NAV2: variants seen among roughly 807,000 people sequenced by gnomAD.
The protein encoded by NAV2 is neuron navigator 2, also known as helicase, APC down-regulated 1.
Under a neutral mutation model 223.2 loss-of-function variants are expected in NAV2, and 54 were observed. The ratio of observed to expected loss-of-function variants is 0.24; its 90% CI spans 0.19 to 0.30. NAV2 has a LOEUF of 0.30. NAV2 is among the 10% of genes least tolerant of loss of function. The probability of loss-of-function intolerance (pLI) is 1.00; values close to 1 mark genes in which losing one functional copy is unlikely to be tolerated. For synonymous variants in NAV2, 1,279 were observed against 1,239.3 expected, an observed-to-expected ratio of 1.03 and a Z score of -0.67; for missense variants, 2,806 against 3,147.5, an observed-to-expected ratio of 0.89 and a Z score of 2.60.
At chr11:20,081,837 A>G (rs1025250145) in intron 25 of NAV2, among the ~76,000 whole-genome samples, 1 of 152,258 alleles carries the variant, frequency 6.6e-6, no homozygotes, top group Non-Finnish European at 1.5e-5. Flanking sequence ...AATTACTTTT[A>G]AAAGGCCTGT....
chr11:19,826,525 A>C (rs1422896760), intron 1 of NAV2, among the ~76,000 whole-genome samples: 4 of 152,222 alleles, frequency 2.6e-5, no homozygotes, highest in Non-Finnish European at 5.9e-5. Context: ...TTTTCCTTGC[A>C]TGAGCTAATG....
In NAV2 at chr11:20,035,886, T is replaced by C. The variant is rs2056313642; in HGVS notation, c.2769-73T>C. 27 of 1,577,892 alleles carry C rather than the reference T, an allele frequency of 1.7e-5. No individual in the cohort carries two copies. In the South Asian group the frequency reaches 2.7e-4, roughly 16 times the overall value. Reference sequence around the variant, plus strand: ...TGGATCTTTTCGGGGATGGTGTTTGTCTGTCTGTGTCATCAGCCTGAGCTG... The same window carrying C: ...TGGATCTTTTCGGGGATGGTGTTTGCCTGTCTGTGTCATCAGCCTGAGCTG... On this transcript the variant is annotated intron_variant, in intron 11 of 37. Transcript: ENST00000349880.
chr11:19,779,949 A>T (rs1189099158), intron 1 of NAV2, among the ~76,000 whole-genome samples: 1 of 152,228 alleles, frequency 6.6e-6, no homozygotes, highest in Non-Finnish European at 1.5e-5. Context: ...CTGGGGCCAG[A>T]GGTGTGTGCC....
chr11:19,886,125 A>G (rs1436065341), intron 5 of NAV2, among the ~76,000 whole-genome samples: 1 of 149,940 alleles, frequency 6.7e-6, no homozygotes, highest in African/African-American at 2.5e-5. Context: ...CTACAGGCAC[A>G]TGCCTCCATA....
At chr11:19,763,787 T>C (rs2054972511) in intron 1 of NAV2, among the ~76,000 whole-genome samples, 1 of 103,600 alleles carries the variant, frequency 9.7e-6, no homozygotes, top group Non-Finnish European at 2.1e-5. Flanking sequence ...TTTTTTGTTT[T>C]TTTGTTTTTT....
In NAV2 at chr11:20,103,291, T is replaced by C; in HGVS notation, c.6454T>C (p.Cys2152Arg). The C allele has an allele frequency of 6.2e-7, 1 of 1,614,180 alleles. No individual in the cohort carries two copies. The highest frequency in any genetic ancestry group is 8.5e-7 in the Non-Finnish European group (1 of 1,180,012). Residue 2152 changes from cysteine (C) to arginine (R), a missense_variant, in exon 33 of 38, where the codon TGC (cysteine) becomes CGC (arginine). By Grantham distance (180) the Cys-to-Arg change is radical. Coordinates refer to ENST00000349880, the MANE Select transcript of NAV2 (RefSeq NM_145117.5). ...RQYLSNLADQCNSENNAVDMP... is the reference protein window; with the variant it reads ...RQYLSNLADQRNSENNAVDMP... ...GTACCTGTCCAACCTTGCTGACCAG[T>C]GCAACAGTGAGAACAATGCTGTGGA...
Position 19,464,659 on chromosome 11 carries a change from T to A in NAV2, c.75+113632T>A, listed in dbSNP as rs184683247. Among the ~76,000 whole-genome samples, 12 of 152,338 alleles carry A rather than the reference T, an allele frequency of 7.9e-5. No individual in the cohort carries two copies. In the East Asian group the frequency reaches 2.1e-3, roughly 27 times the overall value. ...GAGATGTGGTTCATAGGGATTTCAA[T>A]CAGCAAATTTGTCAGGCTCTGTCTG... On this transcript the variant is annotated intron_variant, in intron 1 of 37. Coordinates refer to the NAV2 transcript ENST00000360655.
At chr11:19,442,604 A>G (rs1851444832) in intron 1 of NAV2, among the ~76,000 whole-genome samples, 1 of 152,122 alleles carries the variant, frequency 6.6e-6, no homozygotes, top group Non-Finnish European at 1.5e-5. Flanking sequence ...GCTGGCCAGG[A>G]TCAGAGGGCA....
intron 1 of NAV2, among the ~76,000 whole-genome samples, chr11:19,768,974 G>A (rs1399986150): frequency 6.6e-6 from 1 of 152,176 alleles, no homozygotes; most frequent in African/African-American, 2.4e-5. Context: ...TAGGTCTAAG[G>A]CCTAGTGTGA....
At chr11:19,526,883 T>A (rs2043857727) in intron 1 of NAV2, among the ~76,000 whole-genome samples, 1 of 152,014 alleles carries the variant, frequency 6.6e-6, no homozygotes, top group African/African-American at 2.4e-5. Context: ...ACCTTGGGAG[T>A]AAGGTAGTGG....
chr11:19,550,612 C>A (rs1470943704), intron 1 of NAV2, among the ~76,000 whole-genome samples: 2 of 152,238 alleles, frequency 1.3e-5, no homozygotes, highest in African/African-American at 4.8e-5. Context: ...CGTGCACTCA[C>A]TGCCACCTCT....
intron 1 of NAV2, among the ~76,000 whole-genome samples, chr11:19,597,390 T>C (rs1414504805): frequency 1.3e-5 from 2 of 152,172 alleles, no homozygotes; most frequent in Non-Finnish European, 2.9e-5. Flanking sequence ...GAAACCTCCA[T>C]GTGTTCCTGG....
At chr11:19,783,045 G>A (rs1180434135) in intron 1 of NAV2, among the ~76,000 whole-genome samples, 1 of 152,162 alleles carries the variant, frequency 6.6e-6, no homozygotes, top group Non-Finnish European at 1.5e-5. Context: ...GATAGGTCCT[G>A]TGGCACAAAT....
chr11:20,088,959 A>G (rs548929319), intron 26 of NAV2, among the ~76,000 whole-genome samples: 27 of 152,194 alleles, frequency 1.8e-4, no homozygotes, highest in African/African-American at 6.0e-4. Context: ...AGTCTTCTCA[A>G]GATAGAACCA....
At chr11:19,765,230 T>C (rs1297144228) in intron 1 of NAV2, among the ~76,000 whole-genome samples, 1 of 152,234 alleles carries the variant, frequency 6.6e-6, no homozygotes, top group Non-Finnish European at 1.5e-5. Flanking sequence ...GGTCTCTATA[T>C]GAGAGATAAG....
At chr11:19,564,185 A>AGAGC (rs2045190687) in intron 1 of NAV2, among the ~76,000 whole-genome samples, 1 of 152,110 alleles carries the variant, frequency 6.6e-6, no homozygotes, top group African/African-American at 2.4e-5. Flanking sequence ...TGCAGTGACA[A>AGAGC]GAGCCACCAG....
chr11:19,630,050 C>T lies in NAV2; in HGVS notation c.76-202434C>T, dbSNP rs529929761. Among the ~76,000 whole-genome samples the T allele has an allele frequency of 1.9e-4, 28 of 150,236 alleles. No homozygotes were observed. In the South Asian group the frequency reaches 4.6e-3, roughly 25 times the overall value. On this transcript the variant is annotated intron_variant, in intron 1 of 37. Coordinates refer to the NAV2 transcript ENST00000360655. Reference sequence around the variant, plus strand: ...CTCTGTGGTGAACTTCTGGGGAATGCGACCTATGTTCCCCCAACTCTGTGG... The same window carrying T: ...CTCTGTGGTGAACTTCTGGGGAATGTGACCTATGTTCCCCCAACTCTGTGG...
chr11:19,560,532 C>G (rs1001630465), intron 1 of NAV2, among the ~76,000 whole-genome samples: 3 of 152,172 alleles, frequency 2.0e-5, no homozygotes, highest in African/African-American at 7.2e-5. Context: ...TGTAAAAGCC[C>G]TGATGTGGAG....
chr11:20,078,650 G>A (rs1354937166), intron 24 of NAV2, among the ~76,000 whole-genome samples: 3 of 152,128 alleles, frequency 2.0e-5, no homozygotes, highest in Non-Finnish European at 4.4e-5. Flanking sequence ...GTAGAGACAG[G>A]TCTTGCCATG....
Sources: allele counts gnomAD v4.1 joint callset (sites outside exome capture counted in the v4.1 genomes callset), GRCh38; gene constraint gnomAD v4.1.1; transcripts MANE v1.5; gene names NCBI Gene and HGNC (gene_info 2026-07-23, HGNC 2026-07-21).